PCDH9: variants seen among roughly 807,000 people sequenced by gnomAD.
PCDH9 encodes the protein protocadherin-9.
Under a neutral mutation model 70.6 loss-of-function variants are expected in PCDH9, and 24 were observed. The observed-to-expected ratio is 0.34, with a 90% CI of 0.25 to 0.48. The LOEUF is 0.48. Among genes scored for constraint, PCDH9 ranks in the 20% least tolerant of loss-of-function variants. PCDH9 has a pLI of 0.99. For synonymous variants in PCDH9, 562 were observed against 558.5 expected, an observed-to-expected ratio of 1.01 and a Z score of -0.09; for missense variants, 1,281 against 1,503.6, an observed-to-expected ratio of 0.85 and a Z score of 2.45.
At chr13:66,548,663 A>G (rs1243647020) in intron 4 of PCDH9, among the ~76,000 whole-genome samples, 1 of 152,162 alleles carries the variant, frequency 6.6e-6, no homozygotes, top group Admixed American at 6.5e-5. Context: ...TTATGATCGT[A>G]ATAACTATAG....
At chr13:67,039,790 G>A (rs538163047) in intron 2 of PCDH9, among the ~76,000 whole-genome samples, 32 of 152,170 alleles carry the variant, frequency 2.1e-4, no homozygotes, top group Middle Eastern at 3.4e-3. Flanking sequence ...GGTAACCTCC[G>A]ACTTTGTAGC....
intron 2 of PCDH9, among the ~76,000 whole-genome samples, chr13:67,005,425 A>T (rs1475091166): frequency 6.6e-6 from 1 of 152,196 alleles, no homozygotes; most frequent in Non-Finnish European, 1.5e-5. Context: ...TCTATGCAAC[A>T]ATTTCAGATA....
chr13:66,986,887 T>A (rs893715604), intron 2 of PCDH9, among the ~76,000 whole-genome samples: 8 of 151,852 alleles, frequency 5.3e-5, no homozygotes, highest in African/African-American at 1.9e-4. Context: ...AGAATAGATA[T>A]AGTGTGGTTC....
intron 2 of PCDH9, among the ~76,000 whole-genome samples, chr13:67,187,002 GTTTC>G (rs1451833128): frequency 6.6e-6 from 1 of 152,128 alleles, no homozygotes; most frequent in African/African-American, 2.4e-5. Context: ...TCATTGGTTT[GTTTC>G]TTTCAATTTA....
At chr13:66,731,090 A>T (rs1477739144) in intron 3 of PCDH9, among the ~76,000 whole-genome samples, 1 of 151,054 alleles carries the variant, frequency 6.6e-6, no homozygotes, top group Non-Finnish European at 1.5e-5. Context: ...GTTAAATTTG[A>T]CTTCACACAA....
chr13:66,419,757 G>T (rs1376382722), intron 4 of PCDH9, among the ~76,000 whole-genome samples: 1 of 143,460 alleles, frequency 7.0e-6, no homozygotes, highest in Admixed American at 7.1e-5. Context: ...CTAGCTAGCT[G>T]CAGGAGTTTT....
intron 4 of PCDH9, among the ~76,000 whole-genome samples, chr13:66,318,642 G>T (rs918585408): frequency 1.3e-5 from 2 of 152,142 alleles, no homozygotes; most frequent in Non-Finnish European, 2.9e-5. Context: ...TGGAGGCAGA[G>T]GGAGAAATTG....
intron 3 of PCDH9, among the ~76,000 whole-genome samples, chr13:66,792,637 C>A (rs1378298277): frequency 2.6e-5 from 4 of 152,048 alleles, no homozygotes; most frequent in African/African-American, 9.7e-5. Context: ...CCATTGCACT[C>A]CAGCATGAGT....
chr13:66,828,485 T>C (rs149660405), intron 3 of PCDH9, among the ~76,000 whole-genome samples: 2,429 of 152,276 alleles, frequency 0.016, 76 homozygotes, highest in African/African-American at 0.055. Context: ...CTTAATTGTG[T>C]CACTTAATTG....
intron 1 of PCDH9, among the ~76,000 whole-genome samples, chr13:67,229,379 T>C (rs896879370): frequency 1.3e-5 from 2 of 152,252 alleles, no homozygotes; most frequent in African/African-American, 2.4e-5. Context: ...ATCACAATAT[T>C]TTCTACTGAA....
intron 3 of PCDH9, among the ~76,000 whole-genome samples, chr13:66,821,216 T>A (rs2080706661): frequency 6.6e-6 from 1 of 152,154 alleles, no homozygotes; most frequent in East Asian, 1.9e-4. Flanking sequence ...CTGAAAGCAG[T>A]ATTTTACACT....
intron 2 of PCDH9, among the ~76,000 whole-genome samples, chr13:67,144,000 A>T (rs1255168323): frequency 6.6e-6 from 1 of 152,182 alleles, no homozygotes; most frequent in African/African-American, 2.4e-5. Context: ...CCCTTGACAA[A>T]TCAGGTCCAA....
intron 3 of PCDH9, among the ~76,000 whole-genome samples, chr13:66,681,850 C>T (rs1222719707): frequency 1.3e-5 from 2 of 151,248 alleles, no homozygotes; most frequent in East Asian, 1.9e-4. Context: ...AAGTGCAATG[C>T]CTGGCATAGA....
intron 3 of PCDH9, among the ~76,000 whole-genome samples, chr13:66,779,873 A>ATGTG (rs35090227): frequency 0.033 from 3,787 of 115,684 alleles, 134 homozygotes; most frequent in South Asian, 0.096. Flanking sequence ...ATATACATAT[A>ATGTG]TGTGTGTGTG....
chr13:66,850,939 G>C (rs1451887419), intron 3 of PCDH9, among the ~76,000 whole-genome samples: 2 of 152,142 alleles, frequency 1.3e-5, no homozygotes, highest in Admixed American at 6.5e-5. Flanking sequence ...TTACAGACAA[G>C]CTAGTCTTTT....
rs547170659 is a variant in PCDH9 at position 66,324,339 on chromosome 13, T to C, written c.3341-19311A>G. ...ATATTGTAGACAAAACCAGGTGTTT[T>C]TGAACTGTCCAAGAGAAACGTTAGA... On this transcript the variant is annotated intron_variant, in intron 4 of 4. Transcript: ENST00000377865. Among the ~76,000 whole-genome samples the C allele has an allele frequency of 2.2e-3, 328 of 152,150 alleles. 6 individuals are homozygous for C. The highest frequency in any genetic ancestry group is 0.013 in the South Asian group (64 of 4,822).
At position 66,487,260 on chromosome 13, in the gene PCDH9, T is replaced by C. The variant is rs112043182; in HGVS notation, c.3340+143950A>G. ...CTCTCAATATGAACTGAGTATATGATTGATGCTGTTCCATAAATTACAAGT... is the reference window on the plus strand; with the variant it reads ...CTCTCAATATGAACTGAGTATATGACTGATGCTGTTCCATAAATTACAAGT... On this transcript the variant is annotated intron_variant, in intron 4 of 4. Coordinates refer to ENST00000377865, the MANE Select transcript of PCDH9 (RefSeq NM_203487.3). Among the ~76,000 whole-genome samples, 696 of 152,334 alleles carry C rather than the reference T, an allele frequency of 4.6e-3. 8 individuals carry two copies. The highest frequency in any genetic ancestry group is 0.016 in the African/African-American group (665 of 41,594).
At chr13:66,573,613 T>G (rs559671434) in intron 4 of PCDH9, among the ~76,000 whole-genome samples, 1 of 152,210 alleles carries the variant, frequency 6.6e-6, no homozygotes, top group South Asian at 2.1e-4. Flanking sequence ...CAGGTTGAGA[T>G]GCTACGTTAA....
intron 4 of PCDH9, among the ~76,000 whole-genome samples, chr13:66,562,789 G>A (rs1407149876): frequency 6.6e-6 from 1 of 152,082 alleles, no homozygotes; most frequent in Non-Finnish European, 1.5e-5. Context: ...TAAGTGGATG[G>A]AGAGTCATGA....
Sources: gnomAD v4.1 joint callset for allele counts (sites outside exome capture counted in the v4.1 genomes callset) on GRCh38, gnomAD v4.1.1 for gene constraint, MANE v1.5 for transcripts, NCBI Gene and HGNC (gene_info 2026-07-23, HGNC 2026-07-21) for gene names.